SLC4A4: variants seen among roughly 807,000 people sequenced by gnomAD.
SLC4A4 encodes the protein electrogenic sodium bicarbonate cotransporter 1.
SLC4A4 carries 27 observed loss-of-function variants against 111.5 expected under a neutral mutation model. The ratio of observed to expected loss-of-function variants is 0.24; its 90% CI spans 0.18 to 0.33. SLC4A4 has a LOEUF of 0.33. Among genes scored for constraint, SLC4A4 ranks in the 10% least tolerant of loss-of-function variants. The probability of loss-of-function intolerance (pLI) is 1.00; values close to 1 mark genes in which losing one functional copy is unlikely to be tolerated. For missense variants in SLC4A4, 909 were observed against 1,315.5 expected (o/e 0.69, Z 4.78); for synonymous variants, 443 against 463.4 (o/e 0.96, Z 0.57).
intron 3 of SLC4A4, among the ~76,000 whole-genome samples, chr4:71,270,142 C>T (rs751002413): frequency 5.9e-5 from 9 of 152,202 alleles, no homozygotes; most frequent in African/African-American, 9.6e-5. Flanking sequence ...GGCAAGAGTG[C>T]AATGGCGCAA....
chr4:71,311,759 A>C (rs2148854727), intron 3 of SLC4A4, among the ~76,000 whole-genome samples: 1 of 152,298 alleles, frequency 6.6e-6, no homozygotes. Context: ...ATACCCTAAC[A>C]TCACAATTAA....
intron 4 of SLC4A4, among the ~76,000 whole-genome samples, chr4:71,343,850 C>A (rs576676769): frequency 6.6e-6 from 1 of 152,156 alleles, no homozygotes; most frequent in East Asian, 1.9e-4. Flanking sequence ...CCTCACTGGC[C>A]AGTCATGCTA....
chr4:71,425,466 T>A lies in SLC4A4; in HGVS notation c.808-15150T>A, dbSNP rs115658169. ...TTCAGTGGGAAAAACTCCTGTCTTG[T>A]GTAAACCAAAAAGTATCTGAGACAA... On this transcript the variant is annotated intron_variant, in intron 7 of 25. Transcript: ENST00000264485. Among the ~76,000 whole-genome samples the A allele has an allele frequency of 1.4e-3, 216 of 152,270 alleles. 2 individuals are homozygous for A. The highest frequency in any genetic ancestry group is 5.1e-3 in the African/African-American group (213 of 41,582).
At chr4:71,113,026 G>A (rs1743137274) in intron 2 of SLC4A4, among the ~76,000 whole-genome samples, 2 of 152,192 alleles carry the variant, frequency 1.3e-5, no homozygotes, top group Non-Finnish European at 2.9e-5. Flanking sequence ...TTGAGATCCT[G>A]AAGTAAGATC....
chr4:71,479,561 T>TCCTAACTTA (rs1728681737), intron 14 of SLC4A4, among the ~76,000 whole-genome samples: 1 of 151,794 alleles, frequency 6.6e-6, no homozygotes, highest in South Asian at 2.1e-4. Context: ...TAAAAGATCA[T>TCCTAACTTA]CCTAACTTAC....
At chr4:71,231,116 G>A (rs923527470) in intron 1 of SLC4A4, among the ~76,000 whole-genome samples, 1 of 152,188 alleles carries the variant, frequency 6.6e-6, no homozygotes, top group Non-Finnish European at 1.5e-5. Flanking sequence ...GGAGGTGGGA[G>A]GGCAAGTAAG....
Position 71,560,259 on chromosome 4 carries a change from G to A in SLC4A4, c.3099+5G>A. The stretch of plus-strand genomic sequence containing the variant: ...CTGGACAGTGACAATGATGATGTAA[G>A]GAACTTTCCAAATTCCAAAGGAAAG... On this transcript the variant is annotated splice_donor_5th_base_variant and intron_variant, in intron 23 of 25. Transcript: ENST00000264485. The A allele has an allele frequency of 1.2e-6, 2 of 1,602,558 alleles. No homozygotes were observed. Among genetic ancestry groups the A allele is most frequent in the Non-Finnish European group, 1.7e-6 (2 of 1,173,258 alleles).
chr4:71,148,640 C>G (rs1744242169), intron 2 of SLC4A4, among the ~76,000 whole-genome samples: 1 of 152,126 alleles, frequency 6.6e-6, no homozygotes. Context: ...TAAAAGAGAG[C>G]ATGTGGTATT....
chr4:71,442,599 G>A (rs975559561), intron 8 of SLC4A4, among the ~76,000 whole-genome samples: 3 of 152,122 alleles, frequency 2.0e-5, no homozygotes, highest in African/African-American at 7.2e-5. Flanking sequence ...AATGTGGTAG[G>A]CATGGTGAAG....
chr4:71,241,072 T>C (rs186172433), intron 2 of SLC4A4, among the ~76,000 whole-genome samples: 1 of 152,232 alleles, frequency 6.6e-6, no homozygotes, highest in African/African-American at 2.4e-5. Context: ...TGAACTGTGA[T>C]TGTGTCACTG....
chr4:71,563,715 C>G (rs958080420), intron 23 of SLC4A4, 78 bp from the exon 24 acceptor site: 1 of 897,958 alleles, frequency 1.1e-6, no homozygotes, highest in Non-Finnish European at 1.9e-6. Context: ...TTATAGAAAA[C>G]GGTTTGATCG....
intron 7 of SLC4A4, among the ~76,000 whole-genome samples, chr4:71,405,138 T>G (rs1015818805): frequency 6.6e-6 from 1 of 152,094 alleles, no homozygotes; most frequent in African/African-American, 2.4e-5. Context: ...CTTTACTTAC[T>G]ATAGTAACAT....
chr4:71,236,501 C>T, intron 1 of SLC4A4, 75 bp from the exon 2 acceptor site: 3 of 1,378,648 alleles, frequency 2.2e-6, no homozygotes, highest in Non-Finnish European at 3.1e-6. Flanking sequence ...TTAACCTGCC[C>T]AGAAGCTGGG....
chr4:71,327,336 C>T (rs963311602), intron 3 of SLC4A4, among the ~76,000 whole-genome samples: 2 of 151,932 alleles, frequency 1.3e-5, no homozygotes, highest in African/African-American at 2.4e-5. Context: ...GCAATCTGAT[C>T]GTGTTTTCCT....
intron 5 of SLC4A4, among the ~76,000 whole-genome samples, chr4:71,352,198 C>T (rs1389778146): frequency 6.6e-6 from 1 of 152,172 alleles, no homozygotes; most frequent in Non-Finnish European, 1.5e-5. Context: ...TTTCTGCATT[C>T]TCAGACCTTA....
intron 2 of SLC4A4, among the ~76,000 whole-genome samples, chr4:71,101,274 CAAAAAAAA>C (rs1742725974): frequency 6.6e-6 from 1 of 151,478 alleles, no homozygotes; most frequent in Non-Finnish European, 1.5e-5. Flanking sequence ...AACAAAAAAA[CAAAAAAAA>C]TTCCATGCTC....
intron 7 of SLC4A4, among the ~76,000 whole-genome samples, chr4:71,412,259 G>A (rs749157155): frequency 5.3e-5 from 8 of 152,170 alleles, no homozygotes; most frequent in Admixed American, 1.3e-4. Flanking sequence ...CTCTTCAAAG[G>A]TGTCCATTAT....
chr4:71,115,499 A>G (rs1243937321), intron 2 of SLC4A4, among the ~76,000 whole-genome samples: 3 of 152,220 alleles, frequency 2.0e-5, no homozygotes, highest in South Asian at 2.1e-4. Context: ...CTGGGAATCA[A>G]TTTGATGACT....
chr4:71,392,453 T>C (rs1383149536), intron 6 of SLC4A4, among the ~76,000 whole-genome samples: 3 of 152,182 alleles, frequency 2.0e-5, no homozygotes, highest in Admixed American at 6.5e-5. Flanking sequence ...ATAGATACTG[T>C]TAAGATAACT....
Sources: allele counts gnomAD v4.1 joint callset (sites outside exome capture counted in the v4.1 genomes callset), GRCh38; gene constraint gnomAD v4.1.1; transcripts MANE v1.5; gene names NCBI Gene and HGNC (gene_info 2026-07-23, HGNC 2026-07-21).